The following SLFN12L variants were observed in gnomAD, a reference collection of about 807,000 sequenced individuals.
SLFN12L encodes schlafen family member 12 like, also known as schlafen family member 12-like.
In SLFN12L, 34 loss-of-function variants were observed where a neutral mutation model predicts 34.8. That is an observed-to-expected ratio of 0.98 (90% confidence interval 0.74 to 1.30). The LOEUF is 1.30. SLFN12L is among the 50% of genes most tolerant of loss of function. The pLI, the probability that SLFN12L is intolerant of heterozygous loss-of-function variation, is 0.00. For missense variants in SLFN12L, 703 were observed against 696.2 expected, an observed-to-expected ratio of 1.01 and a Z score of -0.11; for synonymous variants, 259 against 247.5, an observed-to-expected ratio of 1.05 and a Z score of -0.44.
intron 2 of SLFN12L, among the ~76,000 whole-genome samples, chr17:35,494,769 G>A (rs1914977401): frequency 6.6e-6 from 1 of 152,150 alleles, no homozygotes; most frequent in African/African-American, 2.4e-5. Context: ...TTCAGGGCCA[G>A]GACTGGGGTG....
At chr17:35,527,652 C>T (rs1483006223) in intron 1 of SLFN12L, among the ~76,000 whole-genome samples, 1 of 152,000 alleles carries the variant, frequency 6.6e-6, no homozygotes, top group African/African-American at 2.4e-5. Flanking sequence ...AAATTCAACA[C>T]CCCTCCATGC....
At chr17:35,514,820 G>T in intron 2 of SLFN12L, 1 of 398,178 alleles carries the variant, frequency 2.5e-6, no homozygotes, top group East Asian at 8.4e-5. Context: ...CTGATTAACT[G>T]GTAGGGGCTT....
Position 35,479,387 on chromosome 17 carries a change from G to C in SLFN12L, c.895C>G (p.Leu299Val), listed in dbSNP as rs1021767282. 3.7e-6 allele frequency: 6 copies of C among 1,607,862 alleles called. No homozygotes were observed. The highest frequency in any genetic ancestry group is 5.1e-6 in the Non-Finnish European group (6 of 1,176,332). Reference sequence around the variant, plus strand: ...TTTGTTACTTCTTCTAACTTAGTAAGATAACTCTTCTCTGCTTTAAAGCCA... The same window carrying C: ...TTTGTTACTTCTTCTAACTTAGTAACATAACTCTTCTCTGCTTTAAAGCCA... ...VIGFKAEKSYLTKLEEVTKNS... is the reference protein window; with the variant it reads ...VIGFKAEKSYVTKLEEVTKNS... Residue 299 changes from leucine to valine, a missense_variant, in exon 3 of 5, where the codon CTT becomes GTT. Physicochemically the swap from Leu to Val is conservative, Grantham distance 32. Transcript: ENST00000628453.
chr17:35,510,497 T>C (rs1345120637), intron 2 of SLFN12L, among the ~76,000 whole-genome samples: 1 of 152,194 alleles, frequency 6.6e-6, no homozygotes, highest in Non-Finnish European at 1.5e-5. Context: ...AAGAAGCCAG[T>C]CATAAAAGGT....
At position 35,472,980 on chromosome 17, in the gene SLFN12L, G is replaced by A. The variant is rs138559874; in HGVS notation, c.*1943C>T. ...CTATTGTTGGTGTAATGGAATGCTT[G>A]TGACTTTTGCACATTGATTTTGTAT... On this transcript the variant is annotated 3_prime_UTR_variant, in exon 5 of 5. Transcript: ENST00000628453. 1.9e-3 allele frequency among the ~76,000 whole-genome samples: 282 copies of A among 152,190 alleles called. 1 individual carries two copies. Among genetic ancestry groups the A allele is most frequent in the African/African-American group, 6.5e-3 (271 of 41,500 alleles).
intron 2 of SLFN12L, chr17:35,498,477 C>A (rs16971026): frequency 8.2e-7 from 1 of 1,221,348 alleles, no homozygotes; most frequent in Non-Finnish European, 1.2e-6. Context: ...TGATTCCCCG[C>A]ATAGCCACGA....
At chr17:35,488,626 C>T (rs1414642995) in intron 2 of SLFN12L, among the ~76,000 whole-genome samples, 1 of 152,186 alleles carries the variant, frequency 6.6e-6, no homozygotes, top group Admixed American at 6.5e-5. Context: ...AAATGACTCA[C>T]TAACTGAGGA....
chr17:35,482,018 C>T (rs1914360996), intron 2 of SLFN12L, among the ~76,000 whole-genome samples: 1 of 152,100 alleles, frequency 6.6e-6, no homozygotes, highest in Non-Finnish European at 1.5e-5. Flanking sequence ...TGCCACCATG[C>T]CTGCCTAATT....
chr17:35,522,791 A>C lies in SLFN12L; in HGVS notation c.-427T>G. The C allele has an allele frequency of 6.4e-7, 1 of 1,554,818 alleles. No homozygotes were observed. The highest frequency in any genetic ancestry group is 8.8e-7 in the Non-Finnish European group (1 of 1,130,934). ...TGTTCTATGCTATCAGCAGAGCATC[A>C]CAGATGACTCCTGGCTTCTCCTGCA... On this transcript the variant is annotated 5_prime_UTR_variant, in exon 2 of 5. Coordinates refer to ENST00000628453, the MANE Select transcript of SLFN12L (RefSeq NM_001363830.2).
intron 1 of SLFN12L, among the ~76,000 whole-genome samples, chr17:35,526,069 TA>T (rs1301643869): frequency 1.3e-5 from 2 of 152,120 alleles, no homozygotes; most frequent in East Asian, 3.8e-4. Flanking sequence ...TAGTCTCTGA[TA>T]AAACAGACTT....
chr17:35,479,791 A>T lies in SLFN12L; in HGVS notation c.491T>A (p.Leu164Ter), dbSNP rs1914238888. The T allele has an allele frequency of 1.2e-6, 2 of 1,613,132 alleles. No individual in the cohort carries two copies. The highest frequency in any genetic ancestry group is 2.2e-5 in the South Asian group (2 of 90,946). ...LETSGPQIATLSSSLYKRDVT... is the reference protein window; with the variant it reads ...LETSGPQIAT ...ATCTCTCTTGTACAAACTGGAGCTC[A>T]ACGTGGCAATCTGCGGACCAGAGGT... Residue 164 changes from leucine (L) to a stop codon, truncating the protein, a stop_gained, in exon 3 of 5, where the codon TTG becomes TAG. Transcript: ENST00000628453. LOFTEE classifies it high-confidence loss of function.
rs768389357 is a variant in SLFN12L at position 35,475,249 on chromosome 17, G to A, written c.1513C>T (p.Gln505Ter). ...PPVLYTFHMVQDEEFKDYSTQ... is the reference protein window; with the variant it reads ...PPVLYTFHMV The stretch of plus-strand genomic sequence containing the variant: ...GAATAGTCTTTAAACTCCTCATCCT[G>A]TACCATGTGGAAGGTGTATAGGACT... Residue 505 changes from glutamine (Q) to a stop codon, truncating the protein, a stop_gained, in exon 5 of 5, where the codon CAG becomes TAG. Coordinates refer to ENST00000628453, the MANE Select transcript of SLFN12L (RefSeq NM_001363830.2). LOFTEE classifies it low-confidence loss of function (END_TRUNC). The A allele has an allele frequency of 8.1e-6, 13 of 1,614,014 alleles. No individual in the cohort carries two copies. The highest frequency in any genetic ancestry group is 4.5e-5 in the East Asian group (2 of 44,886).
chr17:35,470,731 G>A lies in SLFN12L; in HGVS notation c.*4192C>T, dbSNP rs1255935004. ...GCTCTGGGATACACGTGCAGAATGTGCAGGTTTGTTACATAGGTATACATG... is the reference window on the plus strand; with the variant it reads ...GCTCTGGGATACACGTGCAGAATGTACAGGTTTGTTACATAGGTATACATG... On this transcript the variant is annotated 3_prime_UTR_variant, in exon 5 of 5. Coordinates refer to ENST00000628453, the MANE Select transcript of SLFN12L (RefSeq NM_001363830.2). The A allele has an allele frequency of 6.6e-6, 1 of 151,008 alleles. No homozygotes were observed. The allele number at this position is 151,008 out of a possible 1,614,324, so 9.4% of individuals were successfully genotyped here. A position where few individuals can be genotyped will look rare whatever the true frequency, so the allele number is the denominator to read the frequency against.
intron 1 of SLFN12L, among the ~76,000 whole-genome samples, chr17:35,531,919 G>T (rs1189530553): frequency 6.6e-6 from 1 of 151,852 alleles, no homozygotes; most frequent in African/African-American, 2.4e-5. Flanking sequence ...ATAGGTGTGA[G>T]CCACCCAGCC....
At chr17:35,525,861 T>A (rs1410624670) in intron 1 of SLFN12L, among the ~76,000 whole-genome samples, 1 of 152,114 alleles carries the variant, frequency 6.6e-6, no homozygotes, top group Non-Finnish European at 1.5e-5. Flanking sequence ...ATAACAATAT[T>A]AACCTTAAAT....
chr17:35,518,389 A>C (rs1017668090), intron 2 of SLFN12L, among the ~76,000 whole-genome samples: 1 of 152,036 alleles, frequency 6.6e-6, no homozygotes, highest in African/African-American at 2.4e-5. Flanking sequence ...CCATCTCTAC[A>C]AAAATACAAA....
At chr17:35,490,186 G>A (rs112684751) in intron 2 of SLFN12L, 24 of 1,603,318 alleles carry the variant, frequency 1.5e-5, no homozygotes, top group African/African-American at 4.0e-5. Context: ...AGCCACCAGC[G>A]CTGGGACGAG....
Position 35,469,327 on chromosome 17 carries a change from A to AATATATATATTATAT in SLFN12L, c.*5595_*5596insATATAATATATATAT, listed in dbSNP as rs1913768370. On this transcript the variant is annotated 3_prime_UTR_variant, in exon 5 of 5. Coordinates refer to ENST00000628453, the MANE Select transcript of SLFN12L (RefSeq NM_001363830.2). ...AAAATATATATATATTATATATATAAATATATATATAATATATATATATAT... is the reference window on the plus strand; with the variant it reads ...AAAATATATATATATTATATATATAAATATATATATTATATATATATATATAATATATATATATAT... 9.9e-6 allele frequency among the ~76,000 whole-genome samples: 1 copy of AATATATATATTATAT among 100,848 alleles called. No individual in the cohort carries two copies. The highest frequency in any genetic ancestry group is 3.9e-5 in the African/African-American group (1 of 25,924). 66.2% of individuals were successfully genotyped at this position (100,848 alleles called of 152,430 possible).
chr17:35,495,783 G>T (rs188097677), intron 2 of SLFN12L, among the ~76,000 whole-genome samples: 71 of 151,660 alleles, frequency 4.7e-4, no homozygotes, highest in Non-Finnish European at 8.1e-4. Context: ...ACCAACTGGC[G>T]CTGTCCTTCG....
Sources: gnomAD v4.1 joint callset for allele counts (sites outside exome capture counted in the v4.1 genomes callset) on GRCh38, gnomAD v4.1.1 for gene constraint, MANE v1.5 for transcripts, NCBI Gene and HGNC (gene_info 2026-07-23, HGNC 2026-07-21) for gene names.